Variants in LYRM4 observed in about 807,000 individuals in gnomAD.
LYRM4 encodes the protein LYR motif containing 4, also known as LYR motif-containing protein 4.
Under a neutral mutation model 11.7 loss-of-function variants are expected in LYRM4, and 9 were observed. The observed-to-expected ratio is 0.77, with a 90% CI of 0.46 to 1.34. The LOEUF (loss-of-function observed/expected upper bound fraction) is 1.34, where lower values mean the gene tolerates loss of function less well. Ranked by LOEUF, LYRM4 falls within the 40% of genes most tolerant of loss-of-function variation. The probability of loss-of-function intolerance (pLI) is 0.00; values close to 1 mark genes in which losing one functional copy is unlikely to be tolerated. For missense variants in LYRM4, 133 were observed against 112.5 expected (o/e 1.18, Z -0.82); for synonymous variants, 42 against 40.4 (o/e 1.04, Z -0.15).
At chr6:5,086,033 C>T in the LYRM4 span, 2 of 1,490,454 alleles carry the variant, frequency 1.3e-6, no homozygotes, top group Non-Finnish European at 1.8e-6. Context: ...CTGCTGGCCG[C>T]GGCGGCAGTG....
chr6:5,087,102 GC>G, the LYRM4 span: 1 of 153,242 alleles, frequency 6.5e-6, no homozygotes, highest in Non-Finnish European at 1.5e-5. Context: ...TCGGGGCTGG[GC>G]CAGGCCACCC....
intron 2 of LYRM4, among the ~76,000 whole-genome samples, chr6:5,118,289 G>T (rs1372037189): frequency 1.3e-5 from 2 of 151,884 alleles, no homozygotes; most frequent in South Asian, 4.2e-4. Context: ...GCTAATTTTT[G>T]TATTTTTAGT....
At chr6:5,090,891 G>A in the LYRM4 span, among the ~76,000 whole-genome samples, 17 of 152,136 alleles carry the variant, frequency 1.1e-4, no homozygotes, top group Non-Finnish European at 2.1e-4. The surrounding 1 kb of genome is among the most constrained non-coding windows in gnomAD (Gnocchi z 4.8). Flanking sequence ...TGTTTCTTTG[G>A]AGCACTGTGG....
In LYRM4 at chr6:5,110,562, G is replaced by A. The variant is rs1460329038; in HGVS notation, c.208-1071C>T. Among the ~76,000 whole-genome samples, 4 of 152,140 alleles carry A rather than the reference G, an allele frequency of 2.6e-5. No homozygotes were observed. The East Asian group carries it at 5.8e-4, about 22-fold the overall frequency. On this transcript the variant is annotated intron_variant, in intron 2 of 2. Coordinates refer to ENST00000330636, the MANE Select transcript of LYRM4 (RefSeq NM_020408.6). ...GGCATGGATAATAACTAAGTGTTGC[G>A]GTGCAAGAGAAAGCGAAGGAAGAGG... is the stretch of plus-strand genomic sequence containing the variant.
intron 2 of LYRM4, among the ~76,000 whole-genome samples, chr6:5,171,609 C>T (rs912639247): frequency 6.6e-6 from 1 of 152,116 alleles, no homozygotes; most frequent in Non-Finnish European, 1.5e-5. Flanking sequence ...TTCCCGTACT[C>T]GATATAAGAA....
chr6:5,197,713 T>G lies in LYRM4; in HGVS notation c.207+18905A>C, dbSNP rs1761149146. On this transcript the variant is annotated intron_variant, in intron 2 of 2. Transcript: ENST00000330636. ...AATAAAATAAAAGAATATATTTTAA[T>G]ATTCACAGGGATCTTCTATTTTGGA... 3.3e-5 allele frequency among the ~76,000 whole-genome samples: 5 copies of G among 152,192 alleles called. No homozygotes were observed. The South Asian group carries it at 1.0e-3, about 32-fold the overall frequency.
intron 2 of LYRM4, among the ~76,000 whole-genome samples, chr6:5,110,409 C>G (rs1434215041): frequency 6.7e-6 from 1 of 148,324 alleles, no homozygotes; most frequent in Non-Finnish European, 1.5e-5. Context: ...GTCATTACTA[C>G]AGCATGTGTT....
the LYRM4 span, among the ~76,000 whole-genome samples, chr6:5,083,054 C>G: frequency 6.6e-6 from 1 of 152,098 alleles, no homozygotes; most frequent in Non-Finnish European, 1.5e-5. Flanking sequence ...GGTGGGACCT[C>G]TAGCATTTCC....
downstream of LYRM4, chr6:5,103,587 C>T (rs1214228814): frequency 6.6e-6 from 1 of 150,854 alleles, no homozygotes; most frequent in Non-Finnish European, 1.5e-5. Context: ...ATCTTTTCTT[C>T]AGCTTCTGCT....
chr6:5,100,739 G>T (rs365609), downstream of LYRM4, among the ~76,000 whole-genome samples: 96,575 of 151,986 alleles, frequency 0.64, 31,491 homozygotes, highest in East Asian at 0.8. Flanking sequence ...TGAGGTGTGG[G>T]CCTGTGGACG....
At chr6:5,093,328 G>A in the LYRM4 span, among the ~76,000 whole-genome samples, 1 of 152,242 alleles carries the variant, frequency 6.6e-6, no homozygotes, top group East Asian at 1.9e-4. Flanking sequence ...TAAGTTCTGA[G>A]GCCAGGGGCT....
Position 5,109,585 on chromosome 6 carries a change from C to T in LYRM4, c.208-94G>A, listed in dbSNP as rs1050021301. 1.1e-5 allele frequency: 15 copies of T among 1,319,558 alleles called. No individual in the cohort carries two copies. In the African/African-American group the frequency reaches 1.3e-4, roughly 11 times the overall value. 81.7% of individuals were successfully genotyped at this position (1,319,558 alleles called of 1,614,324 possible). A position where few individuals can be genotyped will look rare whatever the true frequency, so the allele number is the denominator to read the frequency against. ...CATTTCCTAACATTTCTAATACAAA[C>T]GTCGGCCATCCCAGGGCTGCTCCCT... On this transcript the variant is annotated intron_variant, in intron 2 of 2. Coordinates refer to ENST00000330636, the MANE Select transcript of LYRM4 (RefSeq NM_020408.6).
At chr6:5,184,218 A>C (rs1439507178) in intron 2 of LYRM4, among the ~76,000 whole-genome samples, 2 of 152,218 alleles carry the variant, frequency 1.3e-5, no homozygotes, top group Non-Finnish European at 2.9e-5. Context: ...CGAGATGTCC[A>C]CTTTGTAGGT....
chr6:5,102,336 T>G (rs1011519761), downstream of LYRM4, among the ~76,000 whole-genome samples: 4 of 152,170 alleles, frequency 2.6e-5, no homozygotes, highest in African/African-American at 7.2e-5. Context: ...AGCATTGTAG[T>G]CCTTGGTCAT....
the LYRM4 span, among the ~76,000 whole-genome samples, chr6:5,060,662 G>C: frequency 6.6e-6 from 1 of 151,998 alleles, no homozygotes; most frequent in East Asian, 1.9e-4. Flanking sequence ...TGAGTAGCTG[G>C]GATTACAGGC....
the LYRM4 span, among the ~76,000 whole-genome samples, chr6:5,052,638 T>C: frequency 3.3e-5 from 5 of 151,990 alleles, no homozygotes; most frequent in African/African-American, 1.2e-4. Flanking sequence ...AGATGAAAAA[T>C]ATTCTAGAGA....
chr6:5,184,953 C>T (rs192717319), intron 2 of LYRM4, among the ~76,000 whole-genome samples: 72 of 152,298 alleles, frequency 4.7e-4, no homozygotes, highest in African/African-American at 1.6e-3. Context: ...CAGGGTCGCA[C>T]GAGGTTGCTA....
intron 2 of LYRM4, among the ~76,000 whole-genome samples, chr6:5,131,230 A>T (rs1189674296): frequency 2.0e-5 from 3 of 152,254 alleles, no homozygotes; most frequent in African/African-American, 7.2e-5. Flanking sequence ...GCACTAAATA[A>T]GACTGTAGCG....
chr6:5,162,223 C>T (rs1050884208), intron 2 of LYRM4, among the ~76,000 whole-genome samples: 2 of 152,116 alleles, frequency 1.3e-5, no homozygotes, highest in African/African-American at 2.4e-5. Context: ...TTCTAAAGCT[C>T]GCTAGATGAT....
Sources: allele counts gnomAD v4.1 joint callset (sites outside exome capture counted in the v4.1 genomes callset), GRCh38; gene constraint gnomAD v4.1.1; non-coding constraint Gnocchi (gnomAD v3.1); transcripts MANE v1.5; gene names NCBI Gene and HGNC (gene_info 2026-07-23, HGNC 2026-07-21).